The following NFATC1 variants were observed in gnomAD, a reference collection of about 807,000 sequenced individuals.
NFATC1 encodes nuclear factor of activated T cells 1.
A neutral mutation model predicts 76.0 loss-of-function variants in NFATC1; 22 were observed. The observed-to-expected ratio is 0.29, with a 90% CI of 0.21 to 0.41. The LOEUF is 0.41. Among genes scored for constraint, NFATC1 ranks in the 10% least tolerant of loss-of-function variants. NFATC1 has a pLI of 1.00. For synonymous variants in NFATC1, 704 were observed against 613.1 expected (o/e 1.15, Z -2.19); for missense variants, 1,357 against 1,337.7 (o/e 1.01, Z -0.23).
chr18:79,462,110 C>T (rs73969288), intron 7 of NFATC1, among the ~76,000 whole-genome samples: 3 of 152,088 alleles, frequency 2.0e-5, no homozygotes, highest in Non-Finnish European at 4.4e-5. Context: ...TGACCGTCCT[C>T]GGATTGGAGA....
intron 1 of NFATC1, among the ~76,000 whole-genome samples, chr18:79,408,688 A>G (rs144616864): frequency 3.9e-5 from 6 of 152,350 alleles, no homozygotes; most frequent in East Asian, 1.9e-4. Flanking sequence ...CTGTTTACAT[A>G]TGTAGGTCCT....
chr18:79,469,670 A>C, intron 8 of NFATC1: 1 of 985,862 alleles, frequency 1.0e-6, no homozygotes, highest in East Asian at 1.1e-4. Flanking sequence ...GCATGGCTCA[A>C]CGCAGGCCAG....
At chr18:79,425,437 G>A (rs947287793) in intron 2 of NFATC1, among the ~76,000 whole-genome samples, 3 of 152,374 alleles carry the variant, frequency 2.0e-5, no homozygotes, top group African/African-American at 2.4e-5. Context: ...TCCTGTGGGC[G>A]GGTGTGGCCC....
chr18:79,446,853 G>A (rs2087226910), intron 3 of NFATC1, among the ~76,000 whole-genome samples: 1 of 152,204 alleles, frequency 6.6e-6, no homozygotes, highest in African/African-American at 2.4e-5. Context: ...ATCCCTGTCT[G>A]TGGCTTCCCC....
chr18:79,399,558 G>T (rs2085113123), intron 1 of NFATC1, among the ~76,000 whole-genome samples: 1 of 152,272 alleles, frequency 6.6e-6, no homozygotes, highest in Admixed American at 6.5e-5. Context: ...CAGCTAAGCA[G>T]CCCGGCTTTC....
chr18:79,451,167 C>T (rs1176579820), intron 5 of NFATC1, 41 bp downstream of exon 5: 8 of 1,580,722 alleles, frequency 5.1e-6, no homozygotes, highest in Non-Finnish European at 5.2e-6. Context: ...GGAAACCGTC[C>T]CGTCACATGC....
intron 3 of NFATC1, among the ~76,000 whole-genome samples, chr18:79,448,081 T>A (rs934488183): frequency 6.6e-6 from 1 of 152,042 alleles, no homozygotes; most frequent in Non-Finnish European, 1.5e-5. Context: ...GTGGTGTGGG[T>A]TTTGAGTCTC....
At chr18:79,399,454 ATCC>A (rs2085108600) in intron 1 of NFATC1, among the ~76,000 whole-genome samples, 3 of 152,132 alleles carry the variant, frequency 2.0e-5, no homozygotes, top group Admixed American at 2.0e-4. Flanking sequence ...GACTCCCACC[ATCC>A]TCCTACTATT....
chr18:79,512,233 A>G (rs1050615909), intron 9 of NFATC1, among the ~76,000 whole-genome samples: 55 of 151,964 alleles, frequency 3.6e-4, no homozygotes, highest in African/African-American at 1.0e-3. Flanking sequence ...GACACTGGCG[A>G]GTGTTTGGAC....
intron 1 of NFATC1, among the ~76,000 whole-genome samples, chr18:79,408,678 C>G (rs1338136088): frequency 6.6e-6 from 1 of 152,238 alleles, no homozygotes; most frequent in African/African-American, 2.4e-5. Flanking sequence ...CTGTTAAAAT[C>G]TGTTTACATA....
In NFATC1 at chr18:79,410,977, G is replaced by A. The variant is rs754626986; in HGVS notation, c.702G>A (p.Pro234=). The A allele has an allele frequency of 7.5e-6, 12 of 1,603,818 alleles. No individual in the cohort carries two copies. In the East Asian group the frequency reaches 8.9e-5, roughly 12 times the overall value. ...GGGCCTGCACACTGCTGGGTTCCCC[G>A]CGGCACTCCCCCTCCACCTCGCCCC... The part of the protein sequence containing the change: ...GLGACTLLGS[P]RHSPSTSPRA... The change falls in exon 2 of 10, where the codon CCG becomes CCA. Residue 234 remains proline (P), a synonymous_variant. Transcript: ENST00000427363. This position sits in a 1 kb window ranked among gnomAD's most constrained non-coding sequence, Gnocchi z 6.7.
chr18:79,440,635 G>A (rs2086938228), intron 3 of NFATC1, among the ~76,000 whole-genome samples: 4 of 152,330 alleles, frequency 2.6e-5, no homozygotes, highest in Admixed American at 2.6e-4. Context: ...ACCTGGGGCT[G>A]TGACCCAGCT....
chr18:79,447,033 G>A (rs989794962), intron 3 of NFATC1, among the ~76,000 whole-genome samples: 3 of 152,182 alleles, frequency 2.0e-5, no homozygotes, highest in Non-Finnish European at 2.9e-5. Flanking sequence ...GACAGCAGCC[G>A]TCGCTTCACT....
At chr18:79,434,151 T>C (rs2086691843) in intron 3 of NFATC1, among the ~76,000 whole-genome samples, 1 of 152,220 alleles carries the variant, frequency 6.6e-6, no homozygotes. Context: ...TCCCATACTC[T>C]GGGCTTGGGT....
chr18:79,425,099 ATCTCTCTGTCTCTGTCGCTCTGTC>A (rs1399577364), intron 2 of NFATC1, among the ~76,000 whole-genome samples: 54 of 65,760 alleles, frequency 8.2e-4, no homozygotes, highest in African/African-American at 3.1e-3. Context: ...CTGTCTCTCC[ATCTCTCTGTCTCTGTCGCTCTGTC>A]TCTCTCTGTC....
intron 9 of NFATC1, among the ~76,000 whole-genome samples, chr18:79,500,815 T>C (rs1047550827): frequency 2.6e-5 from 4 of 152,102 alleles, no homozygotes; most frequent in African/African-American, 9.7e-5. Flanking sequence ...AAAAGTATAA[T>C]AGACCTATAG....
intron 2 of NFATC1, among the ~76,000 whole-genome samples, chr18:79,418,741 C>T (rs1368380385): frequency 6.6e-6 from 1 of 152,196 alleles, no homozygotes; most frequent in Non-Finnish European, 1.5e-5. Context: ...TGGCAGCCCA[C>T]GGTTTTCTGC....
chr18:79,496,031 T>C (rs1309919196), intron 9 of NFATC1: 1 of 150,450 alleles, frequency 6.6e-6, no homozygotes, highest in African/African-American at 2.4e-5. Context: ...TGTGTCGCTG[T>C]GACGCGGGTA....
rs145687746 is a variant in NFATC1, at chr18:79,444,710, T to C, written c.1387-4072T>C. Among the ~76,000 whole-genome samples, 584 of 140,516 alleles carry C rather than the reference T, an allele frequency of 4.2e-3. 29 individuals are homozygous for C. In the East Asian group the frequency reaches 0.053, roughly 13 times the overall value. 92.2% of individuals were successfully genotyped at this position (140,516 alleles called of 152,430 possible). On this transcript the variant is annotated intron_variant, in intron 3 of 9. Transcript: ENST00000427363. Reference sequence around the variant, plus strand: ...CCGACCCCGCAGACCACACCGGCACTGCACACACAGGCACCCCCGTGGGCA... The same window carrying C: ...CCGACCCCGCAGACCACACCGGCACCGCACACACAGGCACCCCCGTGGGCA...
Sources: allele counts gnomAD v4.1 joint callset (sites outside exome capture counted in the v4.1 genomes callset), GRCh38; gene constraint gnomAD v4.1.1; non-coding constraint Gnocchi (gnomAD v3.1); transcripts MANE v1.5; gene names NCBI Gene and HGNC (gene_info 2026-07-23, HGNC 2026-07-21).